Variants in ENO4 observed in about 807,000 individuals in gnomAD.
The protein encoded by ENO4 is enolase 4, also known as 2-phospho-D-glycerate hydro-lyase.
A neutral mutation model predicts 63.2 loss-of-function variants in ENO4; 53 were observed. That is an observed-to-expected ratio of 0.84 (90% CI 0.67 to 1.05). The LOEUF (loss-of-function observed/expected upper bound fraction) is 1.05. Among genes scored for constraint, ENO4 ranks in the 50% least tolerant of loss-of-function variants. ENO4 has a pLI of 0.00. For missense variants in ENO4, 719 were observed against 772.0 expected (o/e 0.93, Z 0.81); for synonymous variants, 266 against 283.8 (o/e 0.94, Z 0.63).
downstream of ENO4, chr10:116,911,847 T>C (rs1223068577): frequency 1.2e-6 from 2 of 1,607,194 alleles, no homozygotes; most frequent in East Asian, 2.2e-5. Flanking sequence ...ATTCTGGCTA[T>C]AATTTTAATA....
intron 10 of ENO4, among the ~76,000 whole-genome samples, chr10:116,874,475 C>T (rs961646703): frequency 6.6e-6 from 1 of 152,112 alleles, no homozygotes; most frequent in South Asian, 2.1e-4. Flanking sequence ...GAATGAAACA[C>T]GTTATTCGCA....
intron 1 of ENO4, 135 bp downstream of exon 1, chr10:116,849,866 G>A (rs1256872133): frequency 2.0e-6 from 2 of 1,024,268 alleles, no homozygotes; most frequent in Non-Finnish European, 2.9e-6. Flanking sequence ...CTGCGTGTGC[G>A]GAGGAGACTT....
At position 116,876,151 on chromosome 10, in the gene ENO4, A is replaced by G; in HGVS notation, c.1428A>G (p.Lys476=). Residue 476 remains lysine (K), a synonymous_variant, in exon 11 of 14, where the codon AAA becomes AAG. Coordinates refer to ENST00000341276, the MANE Select transcript of ENO4 (RefSeq NM_001242699.2). ...GAACTGCTTCCAAAAGCATTTCTAAACTTCTAGAGCAAGGAAACATCAGCA... is the reference window on the plus strand; with the variant it reads ...GAACTGCTTCCAAAAGCATTTCTAAGCTTCTAGAGCAAGGAAACATCAGCA... The part of the protein sequence containing the change: ...IAGTASKSIS[K]LLEQGNISIP... 6.4e-7 allele frequency: 1 copy of G among 1,550,746 alleles called. No individual in the cohort carries two copies.
rs1564850768 is a variant in ENO4, at chr10:116,871,312, CA to C, written c.1215+21del. The C allele has an allele frequency of 6.5e-7, 1 of 1,539,388 alleles. No homozygotes were observed. Among genetic ancestry groups the C allele is most frequent in the African/African-American group, 1.4e-5 (1 of 72,920 alleles). On this transcript the variant is annotated intron_variant, in intron 9 of 13. Coordinates refer to ENST00000341276, the MANE Select transcript of ENO4 (RefSeq NM_001242699.2). ...GACTACGTAAGTTTCCACTTCAGAACATTCACTTCCTATTGAGATCCATGAT... is the reference window on the plus strand; with the variant it reads ...GACTACGTAAGTTTCCACTTCAGAACTTCACTTCCTATTGAGATCCATGAT...
chr10:116,865,753 T>C (rs906356578), intron 7 of ENO4, among the ~76,000 whole-genome samples: 1 of 152,154 alleles, frequency 6.6e-6, no homozygotes, highest in African/African-American at 2.4e-5. Flanking sequence ...TGTCCTGCAA[T>C]GTACAGGGCG....
chr10:116,897,943 T>A (rs1403181661), intron 10 of ENO4, among the ~76,000 whole-genome samples: 1 of 152,176 alleles, frequency 6.6e-6, no homozygotes, highest in African/African-American at 2.4e-5. Flanking sequence ...AAAATACAAA[T>A]CATTCTTGTT....
intron 9 of ENO4, among the ~76,000 whole-genome samples, chr10:116,872,976 T>TA (rs554614192): frequency 1.3e-4 from 20 of 149,566 alleles, no homozygotes; most frequent in Admixed American, 2.0e-4. Context: ...GGCATACCAT[T>TA]AAAAAAAAAA....
At chr10:116,888,975 G>GT (rs1296860641) in intron 10 of ENO4, among the ~76,000 whole-genome samples, 1 of 152,210 alleles carries the variant, frequency 6.6e-6, no homozygotes, top group Non-Finnish European at 1.5e-5. Context: ...CAGTACGAAG[G>GT]TTTCACCATC....
At chr10:116,910,500 C>G (rs1367488423) in intron 10 of ENO4, among the ~76,000 whole-genome samples, 1 of 152,136 alleles carries the variant, frequency 6.6e-6, no homozygotes, top group Non-Finnish European at 1.5e-5. Flanking sequence ...AAACTTGCTA[C>G]CATGCAGCAT....
chr10:116,879,906 G>C lies in ENO4; in HGVS notation c.1643G>C (p.Gly548Ala). 1 of 1,550,514 alleles carries C rather than the reference G, an allele frequency of 6.4e-7. No homozygotes were observed. The highest frequency in any genetic ancestry group is 8.7e-7 in the Non-Finnish European group (1 of 1,146,940). ...GGTGTCCGGTTCATCAAGTTGGGGG[G>C]TCTTTCCCGTGGTGAACGAGTGACT... The part of the protein sequence containing the change: ...GLGVRFIKLG[G>A]LSRGERVTKY... Residue 548 changes from glycine to alanine, a missense_variant, in exon 13 of 14, where the codon GGT (glycine) becomes GCT (alanine). Gly to Ala is a moderately conservative substitution (Grantham distance 60, BLOSUM62 0). Coordinates refer to ENST00000341276, the MANE Select transcript of ENO4 (RefSeq NM_001242699.2).
chr10:116,876,523 A>G (rs929216916), intron 11 of ENO4, among the ~76,000 whole-genome samples: 6 of 152,230 alleles, frequency 3.9e-5, no homozygotes, highest in African/African-American at 4.8e-5. Flanking sequence ...TGCCCTGTCA[A>G]CTTCACAGTG....
chr10:116,857,000 A>G (rs1459104907), intron 3 of ENO4, among the ~76,000 whole-genome samples: 1 of 152,218 alleles, frequency 6.6e-6, no homozygotes, highest in East Asian at 1.9e-4. Context: ...AAAAAAAAAA[A>G]AAAAGAAAAT....
chr10:116,906,833 T>C, intron 10 of ENO4: 1 of 1,094,586 alleles, frequency 9.1e-7, no homozygotes, highest in South Asian at 2.3e-5. Flanking sequence ...ATGAAAACAT[T>C]ACCAGAATTT....
rs186941718 is a variant in ENO4, at chr10:116,879,651, G to A, written c.1606-218G>A. On this transcript the variant is annotated intron_variant, in intron 12 of 13. Coordinates refer to ENST00000341276, the MANE Select transcript of ENO4 (RefSeq NM_001242699.2). Reference sequence around the variant, plus strand: ...TCTTACATAAAATCAGCATGCCTACGTGACTAGTAAAGTGCCTGATGGATA... The same window carrying A: ...TCTTACATAAAATCAGCATGCCTACATGACTAGTAAAGTGCCTGATGGATA... Among the ~76,000 whole-genome samples the A allele has an allele frequency of 3.4e-3, 512 of 152,292 alleles. 1 individual carries two copies. Among genetic ancestry groups the A allele is most frequent in the Middle Eastern group, 0.01 (3 of 294 alleles).
At chr10:116,901,738 C>G in intron 10 of ENO4, 1 of 1,546,504 alleles carries the variant, frequency 6.5e-7, no homozygotes, top group Non-Finnish European at 8.7e-7. Flanking sequence ...TTCTATACAC[C>G]ACTTAGTAAA....
At chr10:116,881,366 A>G (rs1589768113) in intron 13 of ENO4, 149 bp from the exon 14 acceptor site, 2 of 586,718 alleles carry the variant, frequency 3.4e-6, no homozygotes, top group Admixed American at 6.9e-5. Flanking sequence ...AACCAAAGAT[A>G]CGCCCAGTTG....
In ENO4 at chr10:116,874,311, G is replaced by A. The variant is rs147448095; in HGVS notation, c.1341+110G>A. The A allele has an allele frequency of 1.0e-3, 983 of 968,248 alleles. 7 individuals carry two copies. Among genetic ancestry groups the A allele is most frequent in the South Asian group, 1.2e-4 (4 of 32,140 alleles). The allele number at this position is 968,248 out of a possible 1,614,324, so 60.0% of individuals were successfully genotyped here. A position where few individuals can be genotyped will look rare whatever the true frequency, so the allele number is the denominator to read the frequency against. The stretch of plus-strand genomic sequence containing the variant: ...CCTTTTATATTTATAACAAAACAGA[G>A]AATAAAATCTCATTCTTTTGGATCG... On this transcript the variant is annotated intron_variant, in intron 10 of 13. Transcript: ENST00000341276.
At chr10:116,894,814 C>G (rs1286857483) in intron 10 of ENO4, among the ~76,000 whole-genome samples, 1 of 152,164 alleles carries the variant, frequency 6.6e-6, no homozygotes, top group Non-Finnish European at 1.5e-5. Flanking sequence ...TTCAGACAAG[C>G]AGCGCCACTT....
chr10:116,886,148 C>A (rs1847155889), downstream of ENO4: 6 of 737,584 alleles, frequency 8.1e-6, no homozygotes, highest in South Asian at 2.3e-5. Flanking sequence ...AAACCAAAAC[C>A]TACTAGGAAT....
Sources: gnomAD v4.1 joint callset for allele counts (sites outside exome capture counted in the v4.1 genomes callset) on GRCh38, gnomAD v4.1.1 for gene constraint, MANE v1.5 for transcripts, NCBI Gene and HGNC (gene_info 2026-07-23, HGNC 2026-07-21) for gene names.